NCOA5: variants seen among roughly 807,000 people sequenced by gnomAD.
The protein encoded by NCOA5 is NCoA-5.
A neutral mutation model predicts 59.0 loss-of-function variants in NCOA5; 12 were observed. The observed-to-expected ratio is 0.20, with a 90% confidence interval of 0.13 to 0.33. The LOEUF (loss-of-function observed/expected upper bound fraction) is 0.33, where lower values mean the gene tolerates loss of function less well. Among genes scored for constraint, NCOA5 ranks in the 10% least tolerant of loss-of-function variants. The pLI, the probability that NCOA5 is intolerant of heterozygous loss-of-function variation, is 1.00. For synonymous variants in NCOA5, 270 were observed against 275.5 expected, an observed-to-expected ratio of 0.98 and a Z score of 0.20; for missense variants, 655 against 766.6, an observed-to-expected ratio of 0.85 and a Z score of 1.72.
At chr20:46,071,625 T>G (rs2084884022) in intron 2 of NCOA5, among the ~76,000 whole-genome samples, 1 of 152,196 alleles carries the variant, frequency 6.6e-6, no homozygotes, top group Non-Finnish European at 1.5e-5. Context: ...TGACAGCTAT[T>G]ATCTCCCTCT....
At position 46,064,999 on chromosome 20, in the gene NCOA5, G is replaced by C. The variant is rs568520356; in HGVS notation, c.829+30C>G. On this transcript the variant is annotated intron_variant, in intron 6 of 7. Transcript: ENST00000290231. The stretch of plus-strand genomic sequence containing the variant: ...GGCATAAAGGACTAATAATGGACTA[G>C]TGACTACCTCCGGTATTCTGACTCT... 15 of 1,611,480 alleles carry C rather than the reference G, an allele frequency of 9.3e-6. No homozygotes were observed. In the African/African-American group the frequency reaches 1.3e-4, roughly 14 times the overall value.
rs1359604790 is a variant in NCOA5 at position 46,062,718 on chromosome 20, C to A, written c.1322G>T (p.Ser441Ile). Reference protein sequence around the residue: ...LQAKILSLFNSGTVTANSSSA... With the variant: ...LQAKILSLFNIGTVTANSSSA... The stretch of plus-strand genomic sequence containing the variant: ...GCTGCTATTGGCCGTCACTGTGCCA[C>A]TATTGAAGAGGCTGAGGATTTTGGC... The change falls in exon 8 of 8, where the codon AGT becomes ATT. Residue 441 changes from serine (S) to isoleucine (I), a missense_variant. Coordinates refer to ENST00000290231, the MANE Select transcript of NCOA5 (RefSeq NM_020967.3). 4 of 1,613,942 alleles carry A rather than the reference C, an allele frequency of 2.5e-6. No homozygotes were observed. The highest frequency in any genetic ancestry group is 1.3e-5 in the African/African-American group (1 of 75,026).
chr20:46,068,202 A>AG (rs959584599), intron 4 of NCOA5, among the ~76,000 whole-genome samples: 2 of 152,128 alleles, frequency 1.3e-5, no homozygotes, highest in Non-Finnish European at 2.9e-5. Flanking sequence ...CCAAAGTGCT[A>AG]GGATTACAGG....
intron 1 of NCOA5, among the ~76,000 whole-genome samples, chr20:46,083,484 C>T (rs1373158271): frequency 1.3e-5 from 2 of 152,078 alleles, no homozygotes; most frequent in South Asian, 2.1e-4. Flanking sequence ...GAGGTGTTGC[C>T]CTATTCTAGA....
chr20:46,074,876 A>G (rs1738706469), intron 2 of NCOA5, among the ~76,000 whole-genome samples: 1 of 152,194 alleles, frequency 6.6e-6, no homozygotes, highest in South Asian at 2.1e-4. Context: ...ACGGTCAGGG[A>G]GGAAGACCCC....
rs780187362 is a variant in NCOA5 at position 46,062,556 on chromosome 20, T to G, written c.1484A>C (p.Gln495Pro). 10 of 1,614,088 alleles carry G rather than the reference T, an allele frequency of 6.2e-6. No individual in the cohort carries two copies. Among genetic ancestry groups the G allele is most frequent in the Admixed American group, 1.7e-5 (1 of 60,000 alleles). Reference protein sequence around the residue: ...PSILGQGGSAQNMGPRPGAPS... With the variant: ...PSILGQGGSAPNMGPRPGAPS... ...AGCCCCAGGTCTGGGGCCCATGTTC[T>G]GAGCAGATCCTCCCTGTCCCAAAAT... Residue 495 changes from glutamine to proline, a missense_variant, in exon 8 of 8, where the codon CAG (glutamine) becomes CCG (proline). Around this residue, in one of 3 missense-constraint regions of NCOA5, gnomAD observed 325 missense variants for 353.2 expected, o/e 0.92. Transcript: ENST00000290231.
intron 1 of NCOA5, among the ~76,000 whole-genome samples, chr20:46,083,409 T>C (rs539258558): frequency 3.6e-4 from 55 of 152,314 alleles, no homozygotes; most frequent in African/African-American, 1.3e-3. Context: ...TCAGCTCCCT[T>C]CTCTGTTTAT....
intron 1 of NCOA5, among the ~76,000 whole-genome samples, chr20:46,080,520 A>G (rs1373613523): frequency 1.3e-5 from 2 of 152,182 alleles, no homozygotes; most frequent in Non-Finnish European, 2.9e-5. Context: ...AATAATAATT[A>G]TGTATTTTAA....
intron 1 of NCOA5, among the ~76,000 whole-genome samples, chr20:46,082,853 A>T (rs1434328120): frequency 6.6e-6 from 1 of 152,172 alleles, no homozygotes; most frequent in Non-Finnish European, 1.5e-5. Context: ...TAAACTACAA[A>T]AGGATGGGGT....
intron 2 of NCOA5, among the ~76,000 whole-genome samples, chr20:46,073,710 C>T (rs948526361): frequency 1.3e-5 from 2 of 152,176 alleles, no homozygotes; most frequent in African/African-American, 2.4e-5. Flanking sequence ...TGGTGGAAAT[C>T]GGGGTGGGGC....
rs143473608 is a variant in NCOA5, at chr20:46,063,951, A to C, written c.830-271T>G. Among the ~76,000 whole-genome samples, 3 of 152,268 alleles carry C rather than the reference A, an allele frequency of 2.0e-5. No homozygotes were observed. The East Asian group carries it at 5.8e-4, about 29-fold the overall frequency. The stretch of plus-strand genomic sequence containing the variant: ...CACAGACTTGTAGTAAAAACCAAAG[A>C]AACATGACATCCTCCCACAGATTCA... On this transcript the variant is annotated intron_variant, in intron 6 of 7. Coordinates refer to ENST00000290231, the MANE Select transcript of NCOA5 (RefSeq NM_020967.3).
chr20:46,084,455 AG>A (rs1342033614), intron 1 of NCOA5, among the ~76,000 whole-genome samples: 2 of 152,224 alleles, frequency 1.3e-5, no homozygotes, highest in Non-Finnish European at 2.9e-5. Flanking sequence ...GACACCCAAC[AG>A]GGTAGAACCT....
In NCOA5 at chr20:46,084,839, TA is replaced by T. The variant is rs534884608; in HGVS notation, c.-30+4977del. On this transcript the variant is annotated intron_variant, in intron 1 of 7. Transcript: ENST00000290231. The stretch of plus-strand genomic sequence containing the variant: ...GTCTGAGCTGCTTAAAATTTTAAAA[TA>T]CAGATTTAAAACTGGCAAATTTTCA... Among the ~76,000 whole-genome samples, 88 of 152,306 alleles carry T rather than the reference TA, an allele frequency of 5.8e-4. No individual in the cohort carries two copies. In the East Asian group the frequency reaches 0.015, roughly 26 times the overall value.
chr20:46,065,425 G>A (rs1030407940), intron 5 of NCOA5, among the ~76,000 whole-genome samples, 197 bp from the exon 6 acceptor site: 6 of 152,154 alleles, frequency 3.9e-5, no homozygotes, highest in Admixed American at 2.0e-4. Flanking sequence ...GATCACGTCA[G>A]AAGTTGCCAG....
chr20:46,088,608 G>A (rs537653055), intron 1 of NCOA5, among the ~76,000 whole-genome samples: 14 of 152,340 alleles, frequency 9.2e-5, no homozygotes, highest in African/African-American at 3.4e-4. Flanking sequence ...TCACAACGCT[G>A]TAAGAAAATT....
chr20:46,085,369 C>T (rs1198537869), intron 1 of NCOA5, among the ~76,000 whole-genome samples: 1 of 151,918 alleles, frequency 6.6e-6, no homozygotes, highest in Non-Finnish European at 1.5e-5. Context: ...CACAAGTACA[C>T]AGATAATTAC....
chr20:46,069,248 T>C (rs12480874), intron 3 of NCOA5, among the ~76,000 whole-genome samples: 1 of 152,232 alleles, frequency 6.6e-6, no homozygotes, highest in South Asian at 2.1e-4. Context: ...CAGCCACTGG[T>C]AATCTTTAAT....
intron 1 of NCOA5, among the ~76,000 whole-genome samples, chr20:46,087,055 T>C (rs1012702661): frequency 3.3e-5 from 5 of 152,216 alleles, no homozygotes; most frequent in Admixed American, 6.5e-5. Flanking sequence ...CTTTGAGTCA[T>C]CATTTCCCTA....
At chr20:46,087,683 C>T (rs949955291) in intron 1 of NCOA5, among the ~76,000 whole-genome samples, 8 of 152,076 alleles carry the variant, frequency 5.3e-5, no homozygotes, top group Admixed American at 2.6e-4. Context: ...TGCTTGAACC[C>T]GGGGGCCAAG....
Sources: allele counts gnomAD v4.1 joint callset (sites outside exome capture counted in the v4.1 genomes callset), GRCh38; gene constraint gnomAD v4.1.1; regional missense constraint gnomAD v4.1.1; transcripts MANE v1.5; gene names NCBI Gene and HGNC (gene_info 2026-07-23, HGNC 2026-07-21).